The following DAB1 variants were observed in gnomAD, a reference collection of about 807,000 sequenced individuals.
The protein encoded by DAB1 is DAB adaptor protein 1, also known as disabled homolog 1.
In DAB1, 15 loss-of-function variants were observed where a neutral mutation model predicts 64.6. That is an observed-to-expected ratio of 0.23 (90% CI 0.16 to 0.36). DAB1 has a LOEUF of 0.36. Ranked by LOEUF, DAB1 falls within the 10% of genes least tolerant of loss-of-function variation. The pLI is 1.00. For missense variants in DAB1, 596 were observed against 706.7 expected (o/e 0.84, Z 1.78); for synonymous variants, 235 against 251.9 (o/e 0.93, Z 0.64).
intron 7 of DAB1, among the ~76,000 whole-genome samples, chr1:57,580,038 T>A (rs1466296244): frequency 6.6e-6 from 1 of 151,980 alleles, no homozygotes; most frequent in Non-Finnish European, 1.5e-5. Context: ...GCACACAGGG[T>A]TAGGATTGGC....
At chr1:58,363,959 A>G (rs1010010454) in intron 3 of DAB1, among the ~76,000 whole-genome samples, 2 of 152,226 alleles carry the variant, frequency 1.3e-5, no homozygotes, top group Non-Finnish European at 2.9e-5. Flanking sequence ...TCTGCCTTAA[A>G]TAAGAGCGGA....
intron 1 of DAB1, among the ~76,000 whole-genome samples, chr1:57,391,584 T>C (rs1682356833): frequency 6.6e-6 from 1 of 152,130 alleles, no homozygotes; most frequent in Non-Finnish European, 1.5e-5. Flanking sequence ...ACAACCAACA[T>C]TTACTGAACA....
chr1:57,678,765 T>TG (rs1224818784), intron 6 of DAB1, among the ~76,000 whole-genome samples: 4 of 149,000 alleles, frequency 2.7e-5, no homozygotes, highest in Admixed American at 6.6e-5. Flanking sequence ...GCAACTGTTT[T>TG]TTGTTTTTTT....
chr1:57,182,460 C>T (rs570555356), intron 2 of DAB1, among the ~76,000 whole-genome samples: 6 of 152,232 alleles, frequency 3.9e-5, no homozygotes, highest in Non-Finnish European at 8.8e-5. Flanking sequence ...GAGCCCACAA[C>T]TGCCTGTGCA....
At chr1:58,343,243 A>AGATGGATG (rs144281159) in intron 4 of DAB1, 41,026 of 147,156 alleles carry the variant, frequency 0.28, 6,065 homozygotes, top group East Asian at 0.5. Flanking sequence ...TGGAACATAT[A>AGATGGATG]GATGGATGGA....
At chr1:58,514,356 G>T (rs1191108271) in intron 2 of DAB1, among the ~76,000 whole-genome samples, 1 of 152,102 alleles carries the variant, frequency 6.6e-6, no homozygotes, top group East Asian at 1.9e-4. Flanking sequence ...CAATACTAGA[G>T]AAATATGTAT....
intron 5 of DAB1, among the ~76,000 whole-genome samples, chr1:58,011,178 G>A (rs1646662868): frequency 1.3e-5 from 2 of 152,128 alleles, no homozygotes; most frequent in South Asian, 2.1e-4. Context: ...AGCCCCTCAG[G>A]GGCTAGGAAA....
chr1:58,214,876 T>C (rs1036594032), intron 4 of DAB1, among the ~76,000 whole-genome samples: 3 of 152,170 alleles, frequency 2.0e-5, no homozygotes, highest in African/African-American at 7.2e-5. Context: ...CTTTGGCCTC[T>C]ACCTAGAGTG....
chr1:57,086,547 C>T (rs1653089943), intron 4 of DAB1, among the ~76,000 whole-genome samples: 2 of 152,030 alleles, frequency 1.3e-5, no homozygotes, highest in Admixed American at 1.3e-4. Context: ...ATCCTGCCTC[C>T]CCTCACTGCC....
At chr1:58,516,212 A>G (rs768320335) in intron 2 of DAB1, among the ~76,000 whole-genome samples, 1 of 152,332 alleles carries the variant, frequency 6.6e-6, no homozygotes, top group South Asian at 2.1e-4. Flanking sequence ...ACACCATGTC[A>G]TCCTAGAAGG....
At chr1:57,858,535 A>G (rs1239450137) in intron 1 of DAB1, among the ~76,000 whole-genome samples, 1 of 151,930 alleles carries the variant, frequency 6.6e-6, no homozygotes, top group Non-Finnish European at 1.5e-5. Context: ...TAACAGAAAA[A>G]AAAAGCCATT....
At chr1:57,441,553 C>T (rs1301186265) in intron 7 of DAB1, among the ~76,000 whole-genome samples, 4 of 151,942 alleles carry the variant, frequency 2.6e-5, no homozygotes, top group African/African-American at 9.7e-5. Flanking sequence ...GGGGCTTTTC[C>T]ATGTTGTCCA....
intron 3 of DAB1, among the ~76,000 whole-genome samples, chr1:58,396,938 T>G (rs565414354): frequency 4.6e-5 from 7 of 151,746 alleles, no homozygotes; most frequent in African/African-American, 1.5e-4. Flanking sequence ...AGTGGTGGGC[T>G]CCTGTAGTCC....
chr1:57,964,276 T>C (rs145853880), intron 5 of DAB1, among the ~76,000 whole-genome samples: 36 of 152,340 alleles, frequency 2.4e-4, no homozygotes, highest in African/African-American at 6.0e-4. Flanking sequence ...TATTCACTCA[T>C]TAATTCATCC....
intron 1 of DAB1, among the ~76,000 whole-genome samples, chr1:57,371,844 A>G (rs906020778): frequency 6.6e-6 from 1 of 152,258 alleles, no homozygotes; most frequent in African/African-American, 2.4e-5. Flanking sequence ...GACATTTTTG[A>G]TTGTCACTTG....
In DAB1 at chr1:57,324,889, A is replaced by G. The variant is rs1676027902; in HGVS notation, c.-136-33723T>C. On this transcript the variant is annotated intron_variant, in intron 1 of 14. Transcript: ENST00000371236. ...AGTTGACTCCCCTCCTTCATGTTCC[A>G]GCCACTCTGTGTGTAGCTCCGTTAA... Among the ~76,000 whole-genome samples the G allele has an allele frequency of 2.6e-5, 4 of 152,314 alleles. No homozygotes were observed. The South Asian group carries it at 8.3e-4, about 32-fold the overall frequency.
At chr1:57,283,406 T>C (rs1300434325) in intron 2 of DAB1, among the ~76,000 whole-genome samples, 1 of 152,200 alleles carries the variant, frequency 6.6e-6, no homozygotes, top group African/African-American at 2.4e-5. Flanking sequence ...AGAGATGTGC[T>C]GCCTCTCAGA....
In DAB1 at chr1:57,893,435, T is replaced by C. The variant is rs74896580; in HGVS notation, n.388-9273A>G. On this transcript the variant is annotated intron_variant and non_coding_transcript_variant, in intron 5 of 20. Coordinates refer to the DAB1 transcript ENST00000485760. ...GATACTCCAGAGGCAACTCAATCAA[T>C]TGTCAGTGTACTGTGTACTTTTCAC... Among the ~76,000 whole-genome samples the C allele has an allele frequency of 1.7e-3, 253 of 152,232 alleles. 1 individual carries two copies. The highest frequency in any genetic ancestry group is 5.4e-3 in the African/African-American group (223 of 41,564).
chr1:58,492,356 T>G (rs923055692), intron 3 of DAB1, among the ~76,000 whole-genome samples: 3 of 151,928 alleles, frequency 2.0e-5, no homozygotes, highest in Admixed American at 6.5e-5. Flanking sequence ...TTAAAAGAAC[T>G]AGAGAAGCAA....
Sources: gnomAD v4.1 joint callset for allele counts (sites outside exome capture counted in the v4.1 genomes callset) on GRCh38, gnomAD v4.1.1 for gene constraint, MANE v1.5 for transcripts, NCBI Gene and HGNC (gene_info 2026-07-23, HGNC 2026-07-21) for gene names.